Variants in GPC5 observed in about 807,000 individuals in gnomAD.
GPC5 encodes the protein glypican 5.
GPC5 carries 47 observed loss-of-function variants against 53.9 expected under a neutral mutation model. The observed-to-expected ratio is 0.87, with a 90% CI of 0.69 to 1.11. The LOEUF is 1.11. Among genes scored for constraint, GPC5 ranks in the 50% most tolerant of loss-of-function variants. The pLI is 0.00. For missense variants in GPC5, 748 were observed against 713.1 expected (o/e 1.05, Z -0.56); for synonymous variants, 286 against 263.3 (o/e 1.09, Z -0.84).
chr13:91,877,784 T>C (rs1467775801), intron 5 of GPC5, among the ~76,000 whole-genome samples: 3 of 152,164 alleles, frequency 2.0e-5, no homozygotes, highest in African/African-American at 7.2e-5. Context: ...GGGCCAGAGG[T>C]GGAATGATAT....
chr13:92,212,326 G>A (rs1328773573), intron 7 of GPC5, among the ~76,000 whole-genome samples: 2 of 152,116 alleles, frequency 1.3e-5, no homozygotes, highest in African/African-American at 4.8e-5. Flanking sequence ...TTGGACTGAG[G>A]ACTGTCTAGA....
At chr13:92,232,138 C>T (rs1302871988) in intron 7 of GPC5, among the ~76,000 whole-genome samples, 1 of 151,996 alleles carries the variant, frequency 6.6e-6, no homozygotes, top group Non-Finnish European at 1.5e-5. Context: ...TTGATAACTT[C>T]CTAGTTAATT....
intron 7 of GPC5, among the ~76,000 whole-genome samples, chr13:92,511,233 G>T (rs1880551305): frequency 6.6e-6 from 1 of 152,014 alleles, no homozygotes; most frequent in Non-Finnish European, 1.5e-5. Context: ...TTTTAGAATA[G>T]ATTTCTATCT....
intron 6 of GPC5, among the ~76,000 whole-genome samples, chr13:91,953,205 A>G (rs1371562357): frequency 6.6e-6 from 1 of 152,172 alleles, no homozygotes; most frequent in Non-Finnish European, 1.5e-5. Flanking sequence ...GGGTAAGGTC[A>G]TTGGCTAATT....
At chr13:91,962,916 T>C (rs564820456) in intron 6 of GPC5, among the ~76,000 whole-genome samples, 8 of 152,284 alleles carry the variant, frequency 5.3e-5, no homozygotes, top group African/African-American at 1.4e-4. Context: ...TTTTTTGATA[T>C]ATTTAAATGC....
intron 2 of GPC5, among the ~76,000 whole-genome samples, chr13:91,663,303 G>A (rs1161598404): frequency 6.6e-6 from 1 of 152,142 alleles, no homozygotes; most frequent in Non-Finnish European, 1.5e-5. Flanking sequence ...TTCAGGTCAA[G>A]CATTACATGA....
chr13:92,092,682 A>G (rs1425375467), intron 6 of GPC5, among the ~76,000 whole-genome samples: 1 of 152,204 alleles, frequency 6.6e-6, no homozygotes, highest in African/African-American at 2.4e-5. Context: ...TGACTTTATG[A>G]AACTTGACAT....
intron 7 of GPC5, among the ~76,000 whole-genome samples, chr13:92,824,778 A>C (rs1432124761): frequency 6.6e-6 from 1 of 152,150 alleles, no homozygotes; most frequent in East Asian, 1.9e-4. Context: ...TTCTAAAAAA[A>C]TTACTCCTTA....
intron 6 of GPC5, among the ~76,000 whole-genome samples, chr13:91,951,727 G>A (rs546312073): frequency 2.0e-5 from 3 of 152,116 alleles, no homozygotes; most frequent in Non-Finnish European, 2.9e-5. Context: ...AATAAAATTA[G>A]AGGTGTGTCT....
At chr13:91,687,948 G>A (rs991743815) in intron 2 of GPC5, among the ~76,000 whole-genome samples, 3 of 152,052 alleles carry the variant, frequency 2.0e-5, no homozygotes, top group Middle Eastern at 3.4e-3. Flanking sequence ...TAATTGTTCA[G>A]CACCTTACCT....
intron 7 of GPC5, among the ~76,000 whole-genome samples, chr13:92,381,921 CAT>C (rs1296029777): frequency 4.8e-5 from 6 of 124,862 alleles, no homozygotes; most frequent in African/African-American, 9.0e-5. Flanking sequence ...TATATATAAT[CAT>C]ATATATGATT....
At chr13:91,866,345 C>A (rs1373527705) in intron 5 of GPC5, among the ~76,000 whole-genome samples, 1 of 152,122 alleles carries the variant, frequency 6.6e-6, no homozygotes, top group Non-Finnish European at 1.5e-5. Flanking sequence ...GATATTTTGT[C>A]CCCTCCAAAT....
At chr13:92,485,358 G>A (rs1879514129) in intron 7 of GPC5, among the ~76,000 whole-genome samples, 1 of 152,108 alleles carries the variant, frequency 6.6e-6, no homozygotes, top group Non-Finnish European at 1.5e-5. Context: ...CTAGTTGCCA[G>A]ACTCCAAAAT....
intron 7 of GPC5, among the ~76,000 whole-genome samples, chr13:92,391,142 C>T (rs1350856277): frequency 1.3e-5 from 2 of 152,050 alleles, no homozygotes; most frequent in African/African-American, 4.8e-5. Flanking sequence ...AGAAAAATCT[C>T]CTCATTAATA....
chr13:92,654,365 T>C (rs374102915), intron 7 of GPC5, among the ~76,000 whole-genome samples: 1 of 152,218 alleles, frequency 6.6e-6, no homozygotes, highest in East Asian at 1.9e-4. Flanking sequence ...GATAGAGTCC[T>C]TATTCACAAA....
chr13:91,971,802 C>G (rs951936823), intron 6 of GPC5, among the ~76,000 whole-genome samples: 56 of 152,136 alleles, frequency 3.7e-4, no homozygotes, highest in African/African-American at 1.3e-3. Flanking sequence ...ATCCTGAGTT[C>G]TAGTTTGATT....
chr13:92,271,320 T>C (rs1255948811), intron 7 of GPC5, among the ~76,000 whole-genome samples: 1 of 152,226 alleles, frequency 6.6e-6, no homozygotes, highest in Non-Finnish European at 1.5e-5. Context: ...GAGAACTACC[T>C]GTTACTTCTA....
intron 7 of GPC5, among the ~76,000 whole-genome samples, chr13:92,426,782 A>T (rs1876853329): frequency 6.6e-6 from 1 of 152,108 alleles, no homozygotes; most frequent in Non-Finnish European, 1.5e-5. Flanking sequence ...ACAGAGGGCA[A>T]AAAGTGGTAA....
intron 7 of GPC5, among the ~76,000 whole-genome samples, chr13:92,602,242 A>G (rs1295810804): frequency 8.2e-6 from 1 of 121,240 alleles, no homozygotes; most frequent in Non-Finnish European, 1.8e-5. Context: ...ACATATATAT[A>G]TATATATATA....
Sources: gnomAD v4.1 joint callset for allele counts (sites outside exome capture counted in the v4.1 genomes callset) on GRCh38, gnomAD v4.1.1 for gene constraint, MANE v1.5 for transcripts, NCBI Gene and HGNC (gene_info 2026-07-23, HGNC 2026-07-21) for gene names.